FRMD4B: variants seen among roughly 807,000 people sequenced by gnomAD.
FRMD4B encodes the protein FERM domain-containing protein 4B.
In FRMD4B, 74 loss-of-function variants were observed where a neutral mutation model predicts 141.5. The ratio of observed to expected loss-of-function variants is 0.52; its 90% CI spans 0.43 to 0.63. The LOEUF (loss-of-function observed/expected upper bound fraction) is 0.63. Ranked by LOEUF, FRMD4B falls within the 30% of genes least tolerant of loss-of-function variation. The pLI, the probability that FRMD4B is intolerant of heterozygous loss-of-function variation, is 0.00. For synonymous variants in FRMD4B, 506 were observed against 467.9 expected, an observed-to-expected ratio of 1.08 and a Z score of -1.05; for missense variants, 1,366 against 1,253.4, an observed-to-expected ratio of 1.09 and a Z score of -1.36.
intron 7 of FRMD4B, among the ~76,000 whole-genome samples, chr3:69,245,273 C>T (rs145361950): frequency 5.5e-4 from 84 of 152,074 alleles, no homozygotes; most frequent in African/African-American, 2.0e-3. Context: ...TTGCTCTAAC[C>T]ACTACAACAT....
chr3:69,228,476 T>A, intron 7 of FRMD4B: 2 of 456,432 alleles, frequency 4.4e-6, no homozygotes, highest in Middle Eastern at 6.5e-4. Context: ...ACATTGCCCA[T>A]GTTTCATATA....
intron 1 of FRMD4B, among the ~76,000 whole-genome samples, chr3:69,352,741 C>CA (rs1214871359): frequency 6.6e-6 from 1 of 152,166 alleles, no homozygotes; most frequent in Non-Finnish European, 1.5e-5. Flanking sequence ...AAGCCGTCCC[C>CA]AAAAATGGCA....
chr3:69,267,587 GTGTGTGTGTATATATATATA>G lies in FRMD4B; in HGVS notation c.502-17508_502-17489del, dbSNP rs1427234376. On this transcript the variant is annotated intron_variant, in intron 5 of 22. Transcript: ENST00000398540. ...AGTACATATATATATATGTGTGTGT[GTGTGTGTGTATATATATATA>G]TATATATATATATATATATATATAT... 3.6e-3 allele frequency among the ~76,000 whole-genome samples: 195 copies of G among 53,620 alleles called. 3 individuals carry two copies. The highest frequency in any genetic ancestry group is 8.9e-3 in the Middle Eastern group (1 of 112). 35.2% of individuals were successfully genotyped at this position (53,620 alleles called of 152,430 possible). A position where few individuals can be genotyped will look rare whatever the true frequency, so the allele number is the denominator to read the frequency against.
intron 2 of FRMD4B, among the ~76,000 whole-genome samples, chr3:69,395,620 C>T (rs1704461552): frequency 6.6e-6 from 1 of 152,078 alleles, no homozygotes. Context: ...AAGGAAAAGT[C>T]TAGCATCCCA....
chr3:69,311,495 A>T (rs1701585983), intron 2 of FRMD4B, 138 bp from the exon 3 acceptor site: 1 of 590,952 alleles, frequency 1.7e-6, no homozygotes, highest in African/African-American at 1.9e-5. Flanking sequence ...TTTGTGGATT[A>T]GGTTGATGTA....
chr3:69,404,518 A>AAAGTATTATT (rs1369422466), intron 2 of FRMD4B, among the ~76,000 whole-genome samples: 1 of 152,222 alleles, frequency 6.6e-6, no homozygotes, highest in African/African-American at 2.4e-5. Flanking sequence ...CCTATGAAAT[A>AAAGTATTATT]AAGTATTATT....
chr3:69,480,853 T>G (rs1407969706), intron 1 of FRMD4B, among the ~76,000 whole-genome samples: 2 of 152,328 alleles, frequency 1.3e-5, no homozygotes, highest in East Asian at 3.9e-4. Context: ...TGAGCTGTGG[T>G]GGGCTCCACC....
Position 69,170,905 on chromosome 3 carries a change from G to C in FRMD4B, c.*956C>G, listed in dbSNP as rs1656545807. Reference sequence around the variant, plus strand: ...AATTTTCTAACGTTCACCATTTTAAGGCACGCAATTCATCTAAAATGACGT... The same window carrying C: ...AATTTTCTAACGTTCACCATTTTAACGCACGCAATTCATCTAAAATGACGT... On this transcript the variant is annotated 3_prime_UTR_variant, in exon 23 of 23. Transcript: ENST00000398540. The C allele has an allele frequency of 6.6e-6, 1 of 151,984 alleles. No individual in the cohort carries two copies. The highest frequency in any genetic ancestry group is 2.4e-5 in the African/African-American group (1 of 41,372). 9.4% of individuals were successfully genotyped at this position (151,984 alleles called of 1,614,324 possible).
chr3:69,223,656 T>C (rs2093220802), intron 8 of FRMD4B, among the ~76,000 whole-genome samples: 1 of 152,120 alleles, frequency 6.6e-6, no homozygotes, highest in African/African-American at 2.4e-5. Context: ...CTGATCAACA[T>C]GGTGAAACCC....
chr3:69,215,108 G>A (rs973432638), intron 11 of FRMD4B, among the ~76,000 whole-genome samples: 1 of 151,382 alleles, frequency 6.6e-6, no homozygotes, highest in Non-Finnish European at 1.5e-5. Context: ...TCAAACTCCT[G>A]AGCTCAGGCA....
At chr3:69,502,289 A>C (rs1376577492) in intron 1 of FRMD4B, among the ~76,000 whole-genome samples, 1 of 152,206 alleles carries the variant, frequency 6.6e-6, no homozygotes, top group East Asian at 1.9e-4. Context: ...CTATACTACA[A>C]GGCTACAGTA....
rs145929653 is a variant in FRMD4B, at chr3:69,192,527, A to T, written c.1714+1121T>A. Among the ~76,000 whole-genome samples the T allele has an allele frequency of 1.9e-4, 29 of 152,332 alleles. No homozygotes were observed. The East Asian group carries it at 5.0e-3, about 26-fold the overall frequency. ...TGAAAACCATACCAATAAACATGTA[A>T]GGTCAATTGGACTTTAAATCCACCT... On this transcript the variant is annotated intron_variant, in intron 17 of 22. Coordinates refer to ENST00000398540, the MANE Select transcript of FRMD4B (RefSeq NM_015123.3).
At chr3:69,465,622 T>C (rs1014616276) in intron 1 of FRMD4B, among the ~76,000 whole-genome samples, 3 of 151,160 alleles carry the variant, frequency 2.0e-5, no homozygotes, top group South Asian at 2.1e-4. Context: ...TTCCCACCTA[T>C]GAGTAAGAAT....
intron 1 of FRMD4B, chr3:69,353,648 C>T (rs79901561): frequency 0.011 from 10,888 of 983,220 alleles, 63 homozygotes; most frequent in Middle Eastern, 0.014. Flanking sequence ...TGTGTGCGCG[C>T]GCGTGTGTGT....
intron 7 of FRMD4B, 143 bp downstream of exon 7, chr3:69,249,083 A>AT (rs1371329960): frequency 1.7e-6 from 1 of 575,848 alleles, no homozygotes; most frequent in Non-Finnish European, 3.1e-6. Flanking sequence ...ATAGGTCTCT[A>AT]TTTGAAGAGC....
chr3:69,237,214 G>A (rs1041955219), intron 7 of FRMD4B, among the ~76,000 whole-genome samples: 1 of 152,214 alleles, frequency 6.6e-6, no homozygotes, highest in East Asian at 1.9e-4. Context: ...AGGGAGGAAC[G>A]GAAGAGGAGG....
chr3:69,227,112 C>T (rs149417348), intron 7 of FRMD4B, among the ~76,000 whole-genome samples: 11 of 152,082 alleles, frequency 7.2e-5, no homozygotes, highest in East Asian at 3.9e-4. Flanking sequence ...ATTTTCCCAG[C>T]GATTTTCAAG....
At chr3:69,318,421 C>G (rs1046573948) in intron 1 of FRMD4B, among the ~76,000 whole-genome samples, 4 of 152,082 alleles carry the variant, frequency 2.6e-5, no homozygotes, top group African/African-American at 9.7e-5. Flanking sequence ...ACTGAGGCGC[C>G]CATCGATGAC....
chr3:69,423,668 G>C (rs1345153435), intron 2 of FRMD4B, among the ~76,000 whole-genome samples: 1 of 152,168 alleles, frequency 6.6e-6, no homozygotes, highest in Admixed American at 6.5e-5. Flanking sequence ...ATTAGGTCAT[G>C]AGAACACAGT....
Sources: gnomAD v4.1 joint callset for allele counts (sites outside exome capture counted in the v4.1 genomes callset) on GRCh38, gnomAD v4.1.1 for gene constraint, MANE v1.5 for transcripts, NCBI Gene and HGNC (gene_info 2026-07-23, HGNC 2026-07-21) for gene names.